The following CIITA variants were observed in gnomAD, a reference collection of about 807,000 sequenced individuals.
The protein encoded by CIITA is class II major histocompatibility complex transactivator.
In CIITA, 72 loss-of-function variants were observed where a neutral mutation model predicts 115.1. The ratio of observed to expected loss-of-function variants is 0.63; its 90% confidence interval spans 0.52 to 0.76. The LOEUF (loss-of-function observed/expected upper bound fraction) is 0.76, where lower values mean the gene tolerates loss of function less well. Ranked by LOEUF, CIITA falls within the 30% of genes least tolerant of loss-of-function variation. The pLI, the probability that CIITA is intolerant of heterozygous loss-of-function variation, is 0.00. For synonymous variants in CIITA, 763 were observed against 635.6 expected (o/e 1.20, Z -3.02); for missense variants, 1,617 against 1,463.8 (o/e 1.10, Z -1.71).
chr16:10,895,220 T>G, intron 1 of CIITA, 62 bp from the exon 2 acceptor site: 1 of 1,596,984 alleles, frequency 6.3e-7, no homozygotes, highest in African/African-American at 1.3e-5. Context: ...TTGTTGTAGG[T>G]GTCAATTTTC....
In CIITA at chr16:10,909,190, G is replaced by A; in HGVS notation, c.2816+3G>A. On this transcript the variant is annotated splice_donor_region_variant and intron_variant, in intron 12 of 19. Coordinates refer to ENST00000324288, the MANE Select transcript of CIITA (RefSeq NM_000246.4). ...GGAAAGCTTGTGCAGACTCAGAGGT[G>A]AGAGGAGAGGCGGATGGGAGGTGGT... 6.2e-7 allele frequency: 1 copy of A among 1,614,162 alleles called. No homozygotes were observed. Among genetic ancestry groups the A allele is most frequent in the East Asian group, 2.2e-5 (1 of 44,892 alleles).
At position 10,929,509 on chromosome 16, in the gene CIITA, G is replaced by T. The variant is rs2040683791; in HGVS notation, c.*5654G>T. 1 of 985,462 alleles carries T rather than the reference G, an allele frequency of 1.0e-6. No homozygotes were observed. The highest frequency in any genetic ancestry group is 1.7e-5 in the African/African-American group (1 of 57,220). 61.0% of individuals were successfully genotyped at this position (985,462 alleles called of 1,614,324 possible). A position where few individuals can be genotyped will look rare whatever the true frequency, so the allele number is the denominator to read the frequency against. ...TCCCAATCTCTCTTCCACTCTCCTGGGTTCAAACAGGAACCTCTCTGTTGG... is the reference window on the plus strand; with the variant it reads ...TCCCAATCTCTCTTCCACTCTCCTGTGTTCAAACAGGAACCTCTCTGTTGG... On this transcript the variant is annotated 3_prime_UTR_variant, in exon 20 of 20. Coordinates refer to ENST00000324288, the MANE Select transcript of CIITA (RefSeq NM_000246.4). The surrounding 1 kb of genome is among the most constrained non-coding windows in gnomAD (Gnocchi z 4.3).
rs2036238838 is a variant in CIITA at position 10,879,834 on chromosome 16, C to T, written c.52+2452C>T. On this transcript the variant is annotated intron_variant, in intron 1 of 19. Transcript: ENST00000324288. The surrounding 1 kb of genome is among the most constrained non-coding windows in gnomAD (Gnocchi z 4.3). ...CCGGAATCGGAGCCACCATGCTTAG[C>T]TTAGTCTGGAACTCTTAAAAGCCGC... Among the ~76,000 whole-genome samples the T allele has an allele frequency of 6.6e-6, 1 of 152,162 alleles. No homozygotes were observed. The highest frequency in any genetic ancestry group is 6.5e-5 in the Admixed American group (1 of 15,286).
At position 10,898,906 on chromosome 16, in the gene CIITA, C is replaced by A. The variant is rs533137724; in HGVS notation, c.359-19C>A. The A allele has an allele frequency of 6.2e-7, 1 of 1,613,728 alleles. No homozygotes were observed. Among genetic ancestry groups the A allele is most frequent in the South Asian group, 1.1e-5 (1 of 91,058 alleles). On this transcript the variant is annotated intron_variant, in intron 4 of 19. Coordinates refer to ENST00000324288, the MANE Select transcript of CIITA (RefSeq NM_000246.4). ...TTTCATTGATTGTGTGAGTTGGTCTCTGGTTTTTCTCAAAGTAGAGCACAT... is the reference window on the plus strand; with the variant it reads ...TTTCATTGATTGTGTGAGTTGGTCTATGGTTTTTCTCAAAGTAGAGCACAT...
chr16:10,891,519 A>C (rs559998110), intron 1 of CIITA, among the ~76,000 whole-genome samples: 1 of 152,340 alleles, frequency 6.6e-6, no homozygotes, highest in East Asian at 1.9e-4. Flanking sequence ...ATATGGCCCA[A>C]AGTCCAAAGT....
In CIITA at chr16:10,927,717, G is replaced by T. The variant is rs1396939003; in HGVS notation, c.*3862G>T. The T allele has an allele frequency of 6.6e-6, 1 of 152,144 alleles. No homozygotes were observed. Among genetic ancestry groups the T allele is most frequent in the Non-Finnish European group, 1.5e-5 (1 of 68,034 alleles). 9.4% of individuals were successfully genotyped at this position (152,144 alleles called of 1,614,324 possible). Reference sequence around the variant, plus strand: ...AGAGGGGCATCTTTTCGTAGTTAACGCACAGTCATCGTAAGATGTGGATAA... The same window carrying T: ...AGAGGGGCATCTTTTCGTAGTTAACTCACAGTCATCGTAAGATGTGGATAA... On this transcript the variant is annotated 3_prime_UTR_variant, in exon 20 of 20. Transcript: ENST00000324288.
Position 10,907,667 on chromosome 16 carries a change from T to C in CIITA, c.2175T>C (p.Ser725=), listed in dbSNP as rs778223458. The C allele has an allele frequency of 3.1e-6, 5 of 1,614,186 alleles. No homozygotes were observed. In the South Asian group the frequency reaches 4.4e-5, roughly 14 times the overall value. ...TGGGGGCCCTGTGGCTGGCTCTGAG[T>C]GGCGAAATCAAGGACAAGGAGCTCC... ...CFLGALWLAL[S]GEIKDKELPQ... The change falls in exon 11 of 20, where the codon AGT becomes AGC. Residue 725 remains serine (S), a synonymous_variant. Coordinates refer to ENST00000324288, the MANE Select transcript of CIITA (RefSeq NM_000246.4). This position sits in a 1 kb window ranked among gnomAD's most constrained non-coding sequence, Gnocchi z 5.0.
At position 10,906,977 on chromosome 16, in the gene CIITA, G is replaced by T. The variant is rs778045347; in HGVS notation, c.1485G>T (p.Leu495=). 1.9e-6 allele frequency: 3 copies of T among 1,612,064 alleles called. No homozygotes were observed. The highest frequency in any genetic ancestry group is 1.7e-6 in the Non-Finnish European group (2 of 1,179,908). The change falls in exon 11 of 20, where the codon CTG becomes CTT. Residue 495 remains leucine, a synonymous_variant. Transcript: ENST00000324288. ...SHILKRPDRV[L]LILDGFEELE... Reference sequence around the variant, plus strand: ...TCTTGAAGAGACCTGACCGCGTTCTGCTCATCCTAGACGGCTTCGAGGAGC... The same window carrying T: ...TCTTGAAGAGACCTGACCGCGTTCTTCTCATCCTAGACGGCTTCGAGGAGC...
At chr16:10,903,013 T>A (rs1317264741) in intron 8 of CIITA, among the ~76,000 whole-genome samples, 1 of 152,036 alleles carries the variant, frequency 6.6e-6, no homozygotes, top group Non-Finnish European at 1.5e-5. Context: ...TGACCAAGAG[T>A]GGTTGTGTGG....
At chr16:10,869,868 C>A (rs2035357335) in intron 1 of CIITA, among the ~76,000 whole-genome samples, 1 of 152,100 alleles carries the variant, frequency 6.6e-6, no homozygotes, top group Admixed American at 6.6e-5. Flanking sequence ...GTTTGACCCT[C>A]CCACTGGAAA....
upstream of CIITA, among the ~76,000 whole-genome samples, chr16:10,875,045 T>C (rs139939385): frequency 3.5e-3 from 533 of 152,274 alleles, 4 homozygotes; most frequent in African/African-American, 0.012. Context: ...CTAAGCTCAC[T>C]GCAACCTCCA....
rs948556672 is a variant in CIITA at position 10,923,703 on chromosome 16, C to T, written c.*23-175C>T. Among the ~76,000 whole-genome samples the T allele has an allele frequency of 6.6e-6, 1 of 152,156 alleles. No homozygotes were observed. The highest frequency in any genetic ancestry group is 2.4e-5 in the African/African-American group (1 of 41,424). ...AACTTGCTTGACAAGTCTCCTGCTC[C>T]TCACTATGAAGATCACTGTCCCCCA... On this transcript the variant is annotated intron_variant, in intron 19 of 19. Transcript: ENST00000324288. This position sits in a 1 kb window ranked among gnomAD's most constrained non-coding sequence, Gnocchi z 5.2.
rs1247197662 is a variant in CIITA, at chr16:10,920,431, G to C, written c.3150-1736G>C. On this transcript the variant is annotated intron_variant, in intron 16 of 19. Coordinates refer to ENST00000324288, the MANE Select transcript of CIITA (RefSeq NM_000246.4). This position sits in a 1 kb window ranked among gnomAD's most constrained non-coding sequence, Gnocchi z 4.5. ...CCAGGCTATTTTTGTGTTTTCAGTA[G>C]AGACAGGGCTTCGCCATGTGGCCCA... Among the ~76,000 whole-genome samples, 1 of 152,150 alleles carries C rather than the reference G, an allele frequency of 6.6e-6. No homozygotes were observed. Among genetic ancestry groups the C allele is most frequent in the Non-Finnish European group, 1.5e-5 (1 of 68,024 alleles).
chr16:10,906,344 A>G (rs2039148224), intron 10 of CIITA, among the ~76,000 whole-genome samples, 155 bp from the exon 11 acceptor site: 1 of 152,252 alleles, frequency 6.6e-6, no homozygotes, highest in Non-Finnish European at 1.5e-5. Context: ...TGGGCAAAAA[A>G]GCCAGACCCT....
chr16:10,871,738 A>T (rs2143266698), intron 1 of CIITA, among the ~76,000 whole-genome samples: 1 of 152,162 alleles, frequency 6.6e-6, no homozygotes, highest in South Asian at 2.1e-4. Context: ...CCCTGTTCTG[A>T]TTTTGGGAGT....
Position 10,918,492 on chromosome 16 carries a change from C to T in CIITA, c.3115C>T (p.Leu1039=), listed in dbSNP as rs367679755. The change falls in exon 16 of 20, where the codon CTG becomes TTG. Residue 1039 remains leucine, a synonymous_variant. Transcript: ENST00000324288. ...DLGAYKLAEA[L]PSLAASLLRL... ...GGGTGCCTACAAACTCGCCGAGGCCCTGCCTTCGCTCGCTGCATCCCTGCT... is the reference window on the plus strand; with the variant it reads ...GGGTGCCTACAAACTCGCCGAGGCCTTGCCTTCGCTCGCTGCATCCCTGCT... The T allele has an allele frequency of 6.2e-7, 1 of 1,614,080 alleles. No individual in the cohort carries two copies. Among genetic ancestry groups the T allele is most frequent in the African/African-American group, 1.3e-5 (1 of 74,938 alleles).
chr16:10,902,687 C>T lies in CIITA; in HGVS notation c.658C>T (p.Leu220=). 1 of 1,614,248 alleles carries T rather than the reference C, an allele frequency of 6.2e-7. No individual in the cohort carries two copies. Among genetic ancestry groups the T allele is most frequent in the Non-Finnish European group, 8.5e-7 (1 of 1,180,050 alleles). Residue 220 remains leucine, a synonymous_variant, in exon 8 of 20, where the codon CTG becomes TTG. Transcript: ENST00000324288. ...MPFSSSSLSC[L]NLPEGPIQFV... Reference sequence around the variant, plus strand: ...TTTCTCCAGTTCCTCGTTGAGCTGCCTGAATCTCCCTGAGGGACCCATCCA... The same window carrying T: ...TTTCTCCAGTTCCTCGTTGAGCTGCTTGAATCTCCCTGAGGGACCCATCCA...
chr16:10,917,045 C>G (rs556050901), intron 15 of CIITA: 18 of 230,850 alleles, frequency 7.8e-5, no homozygotes, highest in Non-Finnish European at 1.5e-4. Flanking sequence ...GAAAATTATA[C>G]TGGGGGGTGA....
At chr16:10,915,977 G>T (rs548295939) in intron 14 of CIITA, among the ~76,000 whole-genome samples, 1 of 152,366 alleles carries the variant, frequency 6.6e-6, no homozygotes, top group South Asian at 2.1e-4. Context: ...AAAAAAAGTT[G>T]TAGATCCTTT....
Sources: gnomAD v4.1 joint callset for allele counts (sites outside exome capture counted in the v4.1 genomes callset) on GRCh38, gnomAD v4.1.1 for gene constraint, Gnocchi (gnomAD v3.1) non-coding constraint, MANE v1.5 for transcripts, NCBI Gene and HGNC (gene_info 2026-07-23, HGNC 2026-07-21) for gene names.